The following GTF2H1 variants were observed in gnomAD, a reference collection of about 807,000 sequenced individuals.
The protein encoded by GTF2H1 is general transcription factor IIH subunit 1, also known as BTF2 p62.
GTF2H1 carries 16 observed loss-of-function variants against 71.2 expected under a neutral mutation model. That is an observed-to-expected ratio of 0.22 (90% CI 0.15 to 0.34). The LOEUF is 0.34. Among genes scored for constraint, GTF2H1 ranks in the 10% least tolerant of loss-of-function variants. GTF2H1 has a pLI of 1.00. For synonymous variants in GTF2H1, 215 were observed against 219.0 expected (o/e 0.98, Z 0.16); for missense variants, 498 against 648.2 (o/e 0.77, Z 2.52).
chr11:18,332,541 A>G (rs922083218), intron 1 of GTF2H1: 2 of 152,264 alleles, frequency 1.3e-5, no homozygotes, highest in African/African-American at 4.8e-5. Context: ...TTAGCATGTG[A>G]AGTGTTAAAT....
Position 18,347,523 on chromosome 11 carries a change from A to C in GTF2H1, c.838-65A>C. ...ATCATCCAGCAAATTTTTTCAGCTAAGCGTGTCTTATAATAAGAAAAGCAG... is the reference window on the plus strand; with the variant it reads ...ATCATCCAGCAAATTTTTTCAGCTACGCGTGTCTTATAATAAGAAAAGCAG... On this transcript the variant is annotated intron_variant, in intron 7 of 14. Transcript: ENST00000265963. The C allele has an allele frequency of 6.5e-6, 8 of 1,221,996 alleles. No homozygotes were observed. The South Asian group carries it at 1.5e-4, about 23-fold the overall frequency. 75.7% of individuals were successfully genotyped at this position (1,221,996 alleles called of 1,614,324 possible). A position where few individuals can be genotyped will look rare whatever the true frequency, so the allele number is the denominator to read the frequency against.
At chr11:18,356,273 G>T (rs542050260) in intron 11 of GTF2H1, among the ~76,000 whole-genome samples, 36 of 151,906 alleles carry the variant, frequency 2.4e-4, no homozygotes, top group Non-Finnish European at 4.9e-4. Flanking sequence ...AGCTACTCGG[G>T]AGGCTGAGGC....
At chr11:18,324,708 T>C (rs2133948146) in intron 1 of GTF2H1, among the ~76,000 whole-genome samples, 1 of 152,060 alleles carries the variant, frequency 6.6e-6, no homozygotes, top group African/African-American at 2.4e-5. Flanking sequence ...AGTGTGGCAG[T>C]ATCAGCCATT....
At chr11:18,355,654 C>T (rs1052780915) in intron 11 of GTF2H1, among the ~76,000 whole-genome samples, 23 of 151,928 alleles carry the variant, frequency 1.5e-4, no homozygotes, top group African/African-American at 5.6e-4. Context: ...GCTGGGACTC[C>T]AGGCATGTGT....
chr11:18,364,564 CCT>C (rs1353680586), intron 14 of GTF2H1, among the ~76,000 whole-genome samples: 1 of 152,098 alleles, frequency 6.6e-6, no homozygotes. Flanking sequence ...TGCACTCCAG[CCT>C]GGGCAACGTA....
intron 1 of GTF2H1, among the ~76,000 whole-genome samples, chr11:18,324,782 T>A (rs1020043776): frequency 6.6e-6 from 1 of 152,226 alleles, no homozygotes; most frequent in Non-Finnish European, 1.5e-5. Context: ...TCAATTTTGG[T>A]AATATACTCT....
chr11:18,353,631 TTTG>T (rs1411144866), intron 11 of GTF2H1, among the ~76,000 whole-genome samples: 1 of 152,210 alleles, frequency 6.6e-6, no homozygotes. Context: ...CAAAGAAGAA[TTTG>T]TTTTTTCCTT....
intron 7 of GTF2H1, among the ~76,000 whole-genome samples, chr11:18,345,948 G>A (rs1308652006): frequency 2.6e-5 from 4 of 151,752 alleles, no homozygotes; most frequent in South Asian, 4.2e-4. Context: ...CCGCCACCTC[G>A]CCCGGCTAAT....
intron 9 of GTF2H1, 41 bp from the exon 10 acceptor site, chr11:18,351,840 A>C: frequency 9.6e-7 from 1 of 1,040,934 alleles, no homozygotes; most frequent in East Asian, 2.4e-5. Context: ...GTGTAAGAGA[A>C]AGTTGTGACA....
chr11:18,334,671 A>G (rs1864982966), intron 2 of GTF2H1, among the ~76,000 whole-genome samples: 1 of 152,252 alleles, frequency 6.6e-6, no homozygotes, highest in Non-Finnish European at 1.5e-5. Flanking sequence ...GAATATTTGA[A>G]GGAATGCCCA....
intron 7 of GTF2H1, among the ~76,000 whole-genome samples, chr11:18,346,733 C>CTTTTTTTTTTTTTTTTTTTTTTTTTTTT (rs35494754): frequency 5.9e-5 from 5 of 85,216 alleles, no homozygotes; most frequent in East Asian, 4.1e-4. Flanking sequence ...TTTTTATTTA[C>CTTTTTTTTTTTTTTTTTTTTTTTTTTTT]TTTTTTTTTT....
Position 18,352,384 on chromosome 11 carries a change from A to G in GTF2H1, c.1198A>G (p.Ile400Val), listed in dbSNP as rs763759532. The G allele has an allele frequency of 6.3e-7, 1 of 1,589,690 alleles. No homozygotes were observed. The highest frequency in any genetic ancestry group is 8.6e-7 in the Non-Finnish European group (1 of 1,158,006). Reference sequence around the variant, plus strand: ...ACTACAGTATGCAACAAGTCAGGACATTATTAATTCTTTTCAAAGTATTAG... The same window carrying G: ...ACTACAGTATGCAACAAGTCAGGACGTTATTAATTCTTTTCAAAGTATTAG... ...QSLQYATSQD[I>V]INSFQSIRQE... The change falls in exon 11 of 15, where the codon ATT becomes GTT. Residue 400 changes from isoleucine to valine, a missense_variant. Transcript: ENST00000265963.
chr11:18,341,082 G>A (rs1865146228), intron 5 of GTF2H1, among the ~76,000 whole-genome samples, 179 bp from the exon 6 acceptor site: 2 of 152,112 alleles, frequency 1.3e-5, no homozygotes, highest in South Asian at 4.1e-4. Context: ...ATTTATAGAG[G>A]TCATACCTCA....
At chr11:18,330,756 C>T (rs144152801) in intron 1 of GTF2H1, among the ~76,000 whole-genome samples, 1 of 152,332 alleles carries the variant, frequency 6.6e-6, no homozygotes. Flanking sequence ...CACACTTGCT[C>T]ACTGCCCTGG....
intron 14 of GTF2H1, 56 bp downstream of exon 14, chr11:18,360,763 G>T: frequency 2.2e-6 from 2 of 901,420 alleles, no homozygotes; most frequent in Non-Finnish European, 3.5e-6. Flanking sequence ...GTAAAATGAT[G>T]AAATTGATTT....
At chr11:18,355,970 G>A (rs1022898001) in intron 11 of GTF2H1, among the ~76,000 whole-genome samples, 5 of 151,910 alleles carry the variant, frequency 3.3e-5, no homozygotes, top group African/African-American at 4.8e-5. Context: ...CAATATCCCC[G>A]TCATTCTTAG....
At chr11:18,337,266 TA>T (rs924753318) in intron 3 of GTF2H1, among the ~76,000 whole-genome samples, 26 of 151,604 alleles carry the variant, frequency 1.7e-4, no homozygotes, top group Non-Finnish European at 3.4e-4. Flanking sequence ...CCACGTCTAC[TA>T]AAAAAAATAC....
intron 1 of GTF2H1, among the ~76,000 whole-genome samples, chr11:18,327,397 T>C (rs946961618): frequency 2.0e-5 from 3 of 152,226 alleles, no homozygotes; most frequent in African/African-American, 7.2e-5. Context: ...AGTAACATAG[T>C]GAAATTTCAA....
rs4150645 is a variant in GTF2H1, at chr11:18,349,614, C to T, written c.1053+1695C>T. On this transcript the variant is annotated intron_variant, in intron 9 of 14. Transcript: ENST00000265963. ...AGCAAAATCACTTGAACCTGGCAGG[C>T]GGAGTTCGCAGTGAGCTGGGATCGC... 6.1e-3 allele frequency among the ~76,000 whole-genome samples: 929 copies of T among 152,194 alleles called. 7 individuals carry two copies. Among genetic ancestry groups the T allele is most frequent in the Non-Finnish European group, 9.9e-3 (671 of 68,014 alleles).
Sources: allele counts gnomAD v4.1 joint callset (sites outside exome capture counted in the v4.1 genomes callset), GRCh38; gene constraint gnomAD v4.1.1; transcripts MANE v1.5; gene names NCBI Gene and HGNC (gene_info 2026-07-23, HGNC 2026-07-21).